Variants in FGF12 observed in about 807,000 individuals in gnomAD.
FGF12 encodes fibroblast growth factor 12B.
A neutral mutation model predicts 23.6 loss-of-function variants in FGF12; 14 were observed. The ratio of observed to expected loss-of-function variants is 0.59; its 90% CI spans 0.39 to 0.93. The LOEUF is 0.93. Ranked by LOEUF, FGF12 falls within the 40% of genes least tolerant of loss-of-function variation. FGF12 has a pLI of 0.00. For synonymous variants in FGF12, 62 were observed against 77.3 expected, an observed-to-expected ratio of 0.80 and a Z score of 1.04; for missense variants, 175 against 217.8, an observed-to-expected ratio of 0.80 and a Z score of 1.24.
At chr3:192,563,615 C>T (rs1424190992) in intron 2 of FGF12, among the ~76,000 whole-genome samples, 1 of 152,180 alleles carries the variant, frequency 6.6e-6, no homozygotes, top group Non-Finnish European at 1.5e-5. Context: ...AACACAATTA[C>T]ATAGTGCTTT....
At chr3:192,159,784 C>A (rs1714760495) in intron 5 of FGF12, among the ~76,000 whole-genome samples, 1 of 152,072 alleles carries the variant, frequency 6.6e-6, no homozygotes, top group African/African-American at 2.4e-5. Context: ...GTATCCTGAA[C>A]ATAGAGGCTA....
intron 2 of FGF12, among the ~76,000 whole-genome samples, chr3:192,711,423 G>A (rs1054294401): frequency 1.3e-5 from 2 of 150,246 alleles, no homozygotes; most frequent in African/African-American, 2.4e-5. Context: ...CCCTCTGCCC[G>A]GCCGCCACCC....
intron 4 of FGF12, among the ~76,000 whole-genome samples, chr3:192,230,389 T>G (rs1718958416): frequency 6.6e-6 from 1 of 152,204 alleles, no homozygotes; most frequent in African/African-American, 2.4e-5. Context: ...ATTTGTTTTT[T>G]GCATCACTGA....
At chr3:192,635,305 C>G (rs966237878) in intron 2 of FGF12, among the ~76,000 whole-genome samples, 3 of 152,164 alleles carry the variant, frequency 2.0e-5, no homozygotes, top group African/African-American at 7.2e-5. Context: ...TAATTTTTTT[C>G]AAGTACCTCT....
intron 2 of FGF12, among the ~76,000 whole-genome samples, chr3:192,574,952 T>C (rs1424185677): frequency 6.6e-6 from 1 of 152,212 alleles, no homozygotes; most frequent in Non-Finnish European, 1.5e-5. Context: ...CCACTGAGTT[T>C]TGGGATAATC....
intron 2 of FGF12, among the ~76,000 whole-genome samples, chr3:192,420,327 G>A (rs535687496): frequency 2.0e-5 from 3 of 150,274 alleles, no homozygotes; most frequent in Admixed American, 2.0e-4. Flanking sequence ...TTGCAGTCAT[G>A]GTTATTTCCC....
intron 2 of FGF12, among the ~76,000 whole-genome samples, chr3:192,515,825 C>A (rs1390144110): frequency 1.7e-5 from 2 of 117,524 alleles, no homozygotes; most frequent in Non-Finnish European, 3.5e-5. Flanking sequence ...CCCAGCAGCC[C>A]CCTTGACTCT....
chr3:192,423,772 A>T (rs1015309957), intron 2 of FGF12, among the ~76,000 whole-genome samples: 1 of 152,168 alleles, frequency 6.6e-6, no homozygotes, highest in Non-Finnish European at 1.5e-5. Context: ...TCTATTAAAG[A>T]CTATATTTTA....
At chr3:192,436,889 G>A (rs576709738) in intron 2 of FGF12, among the ~76,000 whole-genome samples, 1 of 152,182 alleles carries the variant, frequency 6.6e-6, no homozygotes, top group East Asian at 1.9e-4. Flanking sequence ...CACAAAGGTG[G>A]GAAGATATGA....
chr3:192,141,128 CAAAAAAAAAAAAA>C lies in FGF12; in HGVS notation c.*2868_*2880del, dbSNP rs56933017. ...CCTGGGAAAAATCCCAATGCAACTC[CAAAAAAAAAAAAA>C]AAAAAAAAAAAAAGCTTATTTTACT... On this transcript the variant is annotated 3_prime_UTR_variant, in exon 6 of 6. Coordinates refer to ENST00000445105, the MANE Select transcript of FGF12 (RefSeq NM_004113.6). The C allele has an allele frequency of 2.4e-5, 1 of 41,220 alleles. No homozygotes were observed. Among genetic ancestry groups the C allele is most frequent in the Non-Finnish European group, 4.1e-5 (1 of 24,286 alleles). The allele number at this position is 41,220 out of a possible 1,614,324, so 2.6% of individuals were successfully genotyped here. A position where few individuals can be genotyped will look rare whatever the true frequency, so the allele number is the denominator to read the frequency against.
At chr3:192,588,866 GA>G (rs11293515) in intron 2 of FGF12, among the ~76,000 whole-genome samples, 4,719 of 151,898 alleles carry the variant, frequency 0.031, 261 homozygotes, top group African/African-American at 0.11. Flanking sequence ...TTGTTCTAGA[GA>G]GTAAAAGAAT....
rs1488932497 is a variant in FGF12, at chr3:192,345,480, G to A, written c.125-10016C>T. Among the ~76,000 whole-genome samples the A allele has an allele frequency of 1.1e-4, 5 of 44,882 alleles. 2 individuals carry two copies. The African/African-American group carries it at 2.2e-3, about 20-fold the overall frequency. The allele number at this position is 44,882 out of a possible 152,430, so 29.4% of individuals were successfully genotyped here. ...AGGCGGGCGGATCACGAGGTCAGGA[G>A]ATCGAGACCATCCTGGCTAACACGG... On this transcript the variant is annotated intron_variant, in intron 3 of 5. Coordinates refer to ENST00000445105, the MANE Select transcript of FGF12 (RefSeq NM_004113.6).
At chr3:192,217,112 C>A (rs762880210) in intron 4 of FGF12, among the ~76,000 whole-genome samples, 1 of 152,142 alleles carries the variant, frequency 6.6e-6, no homozygotes, top group Non-Finnish European at 1.5e-5. Flanking sequence ...CCCACCCAGC[C>A]GATAACTAGC....
At chr3:192,378,026 T>C (rs1051845398) in intron 2 of FGF12, among the ~76,000 whole-genome samples, 5 of 69,442 alleles carry the variant, frequency 7.2e-5, no homozygotes, top group Non-Finnish European at 1.1e-4. Flanking sequence ...TGACTCTTTC[T>C]TTTCTTTCTT....
At chr3:192,444,640 G>A (rs961360817) in intron 2 of FGF12, among the ~76,000 whole-genome samples, 1 of 152,186 alleles carries the variant, frequency 6.6e-6, no homozygotes, top group Non-Finnish European at 1.5e-5. Context: ...TCAGCTTCTA[G>A]ACACCATCAC....
intron 2 of FGF12, among the ~76,000 whole-genome samples, chr3:192,519,225 C>A (rs1724754180): frequency 6.6e-6 from 1 of 152,190 alleles, no homozygotes; most frequent in Non-Finnish European, 1.5e-5. Flanking sequence ...ACCCATATTG[C>A]ATTTGATTGT....
chr3:192,533,840 T>G (rs2108852536), intron 2 of FGF12, among the ~76,000 whole-genome samples: 1 of 152,358 alleles, frequency 6.6e-6, no homozygotes, highest in East Asian at 1.9e-4. Flanking sequence ...TTGCATACTG[T>G]GATTCCTGGC....
At chr3:192,617,010 G>A (rs745634380) in intron 2 of FGF12, among the ~76,000 whole-genome samples, 1 of 151,974 alleles carries the variant, frequency 6.6e-6, no homozygotes, top group Non-Finnish European at 1.5e-5. Flanking sequence ...GAGGTTAAAA[G>A]TATATTTTTT....
intron 2 of FGF12, among the ~76,000 whole-genome samples, chr3:192,674,230 C>T (rs988444709): frequency 1.3e-5 from 2 of 152,152 alleles, no homozygotes; most frequent in African/African-American, 2.4e-5. Flanking sequence ...AATCAAAACA[C>T]CATGAATGTT....
Sources: gnomAD v4.1 joint callset for allele counts (sites outside exome capture counted in the v4.1 genomes callset) on GRCh38, gnomAD v4.1.1 for gene constraint, MANE v1.5 for transcripts, NCBI Gene and HGNC (gene_info 2026-07-23, HGNC 2026-07-21) for gene names.